Variants in GLRA3 observed in about 807,000 individuals in gnomAD.
GLRA3 encodes glycine receptor subunit alpha-3.
In GLRA3, 44 loss-of-function variants were observed where a neutral mutation model predicts 60.4. That is an observed-to-expected ratio of 0.73 (90% CI 0.57 to 0.94). GLRA3 has a LOEUF of 0.94. Among genes scored for constraint, GLRA3 ranks in the 40% least tolerant of loss-of-function variants. The pLI is 0.00. For synonymous variants in GLRA3, 223 were observed against 192.9 expected (o/e 1.16, Z -1.29); for missense variants, 508 against 564.6 (o/e 0.90, Z 1.02).
chr4:174,686,516 A>C (rs1483411505), intron 5 of GLRA3, among the ~76,000 whole-genome samples: 2 of 152,262 alleles, frequency 1.3e-5, no homozygotes, highest in African/African-American at 2.4e-5. Flanking sequence ...CAGGGCAACC[A>C]AACGCTTGTT....
intron 1 of GLRA3, among the ~76,000 whole-genome samples, chr4:174,819,115 T>A (rs1405856289): frequency 6.6e-6 from 1 of 152,164 alleles, no homozygotes; most frequent in Non-Finnish European, 1.5e-5. Context: ...AAACTTCTGA[T>A]AAGTAGAACA....
Position 174,788,891 on chromosome 4 carries a change from A to G in GLRA3, c.124T>C (p.Ser42Pro). 4 of 1,608,598 alleles carry G rather than the reference A, an allele frequency of 2.5e-6. No individual in the cohort carries two copies. The highest frequency in any genetic ancestry group is 1.1e-5 in the South Asian group (1 of 90,664). ...AATTTATCCAGAAAATCAGAAGGTG[A>G]CATTGGAGCACTTCGAGATCTTGCA... The part of the protein sequence containing the change: ...DSARSRSAPM[S>P]PSDFLDKLMG... The change falls in exon 2 of 10, where the codon TCA (serine) becomes CCA (proline). Residue 42 changes from serine (S) to proline (P), a missense_variant. By Grantham distance (74) the Ser-to-Pro change is moderately conservative. This residue lies in a region of GLRA3 where 329 missense variants were observed against 349.3 expected (regional missense o/e 0.94). Transcript: ENST00000274093.
chr4:174,715,362 G>T (rs1735874445), intron 5 of GLRA3, 126 bp downstream of exon 5: 2 of 577,764 alleles, frequency 3.5e-6, no homozygotes, highest in Non-Finnish European at 6.4e-6. Flanking sequence ...CTGGTGAAAG[G>T]TTACATGCCT....
At chr4:174,719,205 C>T (rs1055268333) in intron 4 of GLRA3, among the ~76,000 whole-genome samples, 12 of 151,786 alleles carry the variant, frequency 7.9e-5, no homozygotes, top group East Asian at 3.9e-4. Context: ...CCTCGTGATC[C>T]GCCCGCCTCG....
At chr4:174,670,859 T>C (rs894166007) in intron 7 of GLRA3, among the ~76,000 whole-genome samples, 4 of 152,200 alleles carry the variant, frequency 2.6e-5, no homozygotes, top group Non-Finnish European at 5.9e-5. Context: ...CTTCTTATCA[T>C]AGAATCCACC....
intron 3 of GLRA3, among the ~76,000 whole-genome samples, chr4:174,749,064 T>C (rs1301146800): frequency 6.6e-6 from 1 of 152,134 alleles, no homozygotes; most frequent in Non-Finnish European, 1.5e-5. Context: ...AGTTTCATGA[T>C]TGTTGAAAGA....
At chr4:174,709,566 T>C (rs1441411454) in intron 5 of GLRA3, among the ~76,000 whole-genome samples, 1 of 151,978 alleles carries the variant, frequency 6.6e-6, no homozygotes, top group East Asian at 1.9e-4. Flanking sequence ...AAAGCAAACA[T>C]TTATAGTATT....
At chr4:174,747,028 C>T (rs1217020377) in intron 3 of GLRA3, among the ~76,000 whole-genome samples, 1 of 152,156 alleles carries the variant, frequency 6.6e-6, no homozygotes, top group African/African-American at 2.4e-5. Context: ...CTGTGTTACA[C>T]TCAGAATTTG....
chr4:174,823,241 C>T (rs547241997), intron 1 of GLRA3, among the ~76,000 whole-genome samples: 201 of 67,542 alleles, frequency 3.0e-3, no homozygotes, highest in Middle Eastern at 0.02. Flanking sequence ...AAAACTAAAA[C>T]TCAAAAAAAA....
At chr4:174,825,297 G>C (rs1216487737) in intron 1 of GLRA3, among the ~76,000 whole-genome samples, 2 of 151,894 alleles carry the variant, frequency 1.3e-5, no homozygotes. Context: ...ACATTAAAAA[G>C]GATTCCTCTC....
intron 4 of GLRA3, chr4:174,722,753 G>T (rs1236604396): frequency 6.0e-6 from 1 of 166,478 alleles, no homozygotes; most frequent in African/African-American, 2.4e-5. Context: ...AGGAAAGCCA[G>T]ATCTCTCATG....
intron 6 of GLRA3, among the ~76,000 whole-genome samples, chr4:174,681,944 G>A (rs967741614): frequency 2.6e-5 from 4 of 152,136 alleles, no homozygotes; most frequent in Admixed American, 6.5e-5. Context: ...TTTTTGATCC[G>A]ATATTGTGAA....
At chr4:174,753,617 T>C (rs941648063) in intron 3 of GLRA3, among the ~76,000 whole-genome samples, 4 of 152,160 alleles carry the variant, frequency 2.6e-5, no homozygotes, top group African/African-American at 9.7e-5. Context: ...CTGTGATCTG[T>C]TCATGATAAT....
At chr4:174,677,413 G>A (rs1193500211) in intron 6 of GLRA3, 121 bp from the exon 7 acceptor site, 4 of 630,646 alleles carry the variant, frequency 6.3e-6, no homozygotes, top group Non-Finnish European at 1.1e-5. Flanking sequence ...AGGCTGGAGT[G>A]AAGTGGCATG....
intron 3 of GLRA3, among the ~76,000 whole-genome samples, chr4:174,756,558 A>C (rs1737706760): frequency 6.6e-6 from 1 of 152,156 alleles, no homozygotes; most frequent in Admixed American, 6.5e-5. Flanking sequence ...CCTTTTCATA[A>C]TAAAACATCT....
At position 174,638,069 on chromosome 4, in the gene GLRA3, C is replaced by T. The variant is rs1258094249; in HGVS notation, c.*5717G>A. ...AGTTGTCTTATAGGAGGGGAATAAACTTACTTGGTATTTTAGGAAGTAAAA... is the reference window on the plus strand; with the variant it reads ...AGTTGTCTTATAGGAGGGGAATAAATTTACTTGGTATTTTAGGAAGTAAAA... On this transcript the variant is annotated 3_prime_UTR_variant, in exon 10 of 10. Coordinates refer to ENST00000274093, the MANE Select transcript of GLRA3 (RefSeq NM_006529.4). The T allele has an allele frequency of 1.3e-5, 2 of 152,084 alleles. No individual in the cohort carries two copies. The allele number at this position is 152,084 out of a possible 1,614,324, so 9.4% of individuals were successfully genotyped here.
chr4:174,692,327 C>T (rs1479893558), intron 5 of GLRA3, among the ~76,000 whole-genome samples: 1 of 147,094 alleles, frequency 6.8e-6, no homozygotes, highest in Non-Finnish European at 1.5e-5. Context: ...GGGGGGTCAG[C>T]CCCCCGCTCG....
At chr4:174,822,747 C>T (rs1740790275) in intron 1 of GLRA3, among the ~76,000 whole-genome samples, 1 of 152,160 alleles carries the variant, frequency 6.6e-6, no homozygotes, top group Non-Finnish European at 1.5e-5. Flanking sequence ...ATGGAGAATT[C>T]TTCATCGCTT....
intron 7 of GLRA3, among the ~76,000 whole-genome samples, chr4:174,663,190 T>C (rs1331592696): frequency 6.6e-6 from 1 of 152,202 alleles, no homozygotes; most frequent in Non-Finnish European, 1.5e-5. Context: ...CTTCTACTGA[T>C]CAGAATCATC....
Sources: gnomAD v4.1 joint callset for allele counts (sites outside exome capture counted in the v4.1 genomes callset) on GRCh38, gnomAD v4.1.1 for gene constraint, gnomAD v4.1.1 regional missense constraint, MANE v1.5 for transcripts, NCBI Gene and HGNC (gene_info 2026-07-23, HGNC 2026-07-21) for gene names.